Variants in CTNNA2 observed in about 807,000 individuals in gnomAD.
The protein encoded by CTNNA2 is catenin alpha-2.
A neutral mutation model predicts 101.0 loss-of-function variants in CTNNA2; 42 were observed. The ratio of observed to expected loss-of-function variants is 0.42; its 90% CI spans 0.32 to 0.54. The LOEUF is 0.54. Among genes scored for constraint, CTNNA2 ranks in the 20% least tolerant of loss-of-function variants. CTNNA2 has a pLI of 0.14. For synonymous variants in CTNNA2, 450 were observed against 456.4 expected (o/e 0.99, Z 0.18); for missense variants, 871 against 1,223.1 (o/e 0.71, Z 4.29).
intron 3 of CTNNA2, among the ~76,000 whole-genome samples, chr2:79,333,977 C>T (rs1037552711): frequency 6.6e-6 from 1 of 151,970 alleles, no homozygotes; most frequent in Admixed American, 6.6e-5. Flanking sequence ...ATTACACATA[C>T]TTATGGAGTA....
intron 2 of CTNNA2, among the ~76,000 whole-genome samples, chr2:79,730,020 TA>T (rs1316453631): frequency 6.6e-6 from 1 of 152,146 alleles, no homozygotes; most frequent in African/African-American, 2.4e-5. Context: ...TGTCTTGCCA[TA>T]AAACCAATTG....
rs182049460 is a variant in CTNNA2, at chr2:79,934,010, T to A, written c.1056+24213T>A. On this transcript the variant is annotated intron_variant, in intron 7 of 18. Coordinates refer to ENST00000402739, the MANE Select transcript of CTNNA2 (RefSeq NM_001282597.3). ...CATTCCAAAATGAAAACAGAAGAGGTCTATGTTTTAGGTTCAGGTCGGCAC... is the reference window on the plus strand; with the variant it reads ...CATTCCAAAATGAAAACAGAAGAGGACTATGTTTTAGGTTCAGGTCGGCAC... Among the ~76,000 whole-genome samples the A allele has an allele frequency of 1.7e-3, 255 of 152,192 alleles. No individual in the cohort carries two copies. In the Middle Eastern group the frequency reaches 0.017, roughly 10 times the overall value.
At chr2:80,529,933 C>A (rs141998771) in intron 9 of CTNNA2, among the ~76,000 whole-genome samples, 1 of 152,230 alleles carries the variant, frequency 6.6e-6, no homozygotes, top group Non-Finnish European at 1.5e-5. Context: ...GGGGCTTGGC[C>A]TGCTCCTACG....
At chr2:80,487,351 T>C (rs1458363788) in intron 9 of CTNNA2, among the ~76,000 whole-genome samples, 2 of 151,718 alleles carry the variant, frequency 1.3e-5, no homozygotes, top group East Asian at 1.9e-4. Context: ...TCCATTCTCA[T>C]GCTGCTATAA....
chr2:79,247,767 A>C (rs1470377623), intron 2 of CTNNA2, among the ~76,000 whole-genome samples: 2 of 152,192 alleles, frequency 1.3e-5, no homozygotes, highest in East Asian at 3.9e-4. Flanking sequence ...AGCATAGAAG[A>C]AGGTGACTTG....
At chr2:79,427,350 T>C (rs1416638805) in intron 4 of CTNNA2, among the ~76,000 whole-genome samples, 1 of 151,972 alleles carries the variant, frequency 6.6e-6, no homozygotes, top group Non-Finnish European at 1.5e-5. Flanking sequence ...TTGTTGGTTT[T>C]GTGTGTGCAT....
At chr2:79,589,755 A>G (rs1243669368) in intron 1 of CTNNA2, among the ~76,000 whole-genome samples, 3 of 150,090 alleles carry the variant, frequency 2.0e-5, no homozygotes, top group Non-Finnish European at 3.0e-5. Context: ...TAAGAGCATC[A>G]GGACGGCGTG....
intron 1 of CTNNA2, among the ~76,000 whole-genome samples, chr2:79,599,773 A>G (rs1298000791): frequency 6.6e-6 from 1 of 152,206 alleles, no homozygotes; most frequent in East Asian, 1.9e-4. Flanking sequence ...ATTTCTTTAA[A>G]GTCACATTTT....
chr2:80,247,381 C>A (rs1015426745), intron 7 of CTNNA2, among the ~76,000 whole-genome samples: 4 of 152,116 alleles, frequency 2.6e-5, no homozygotes, highest in African/African-American at 9.7e-5. Context: ...AAGATTGGAG[C>A]AATTAACCTC....
Position 80,555,768 on chromosome 2 carries a change from C to T in CTNNA2, c.1616C>T (p.Thr539Ile). ...QEGDVDTLDR[T>I]AGAIRGRAAR... Reference sequence around the variant, plus strand: ...GGCGATGTGGACACTCTGGACCGGACTGCAGGGGCCATCAGGGGCCGGGCA... The same window carrying T: ...GGCGATGTGGACACTCTGGACCGGATTGCAGGGGCCATCAGGGGCCGGGCA... The change falls in exon 12 of 19, where the codon ACT becomes ATT. Residue 539 changes from threonine (T) to isoleucine (I), a missense_variant. Thr to Ile is a moderately conservative substitution (Grantham distance 89, BLOSUM62 -1). Coordinates refer to ENST00000402739, the MANE Select transcript of CTNNA2 (RefSeq NM_001282597.3). 6.3e-7 allele frequency: 1 copy of T among 1,599,528 alleles called. No individual in the cohort carries two copies. The highest frequency in any genetic ancestry group is 8.5e-7 in the Non-Finnish European group (1 of 1,173,226).
At chr2:80,271,204 C>A (rs367674440) in intron 7 of CTNNA2, among the ~76,000 whole-genome samples, 2 of 152,152 alleles carry the variant, frequency 1.3e-5, no homozygotes, top group East Asian at 1.9e-4. Flanking sequence ...TTTATCCCCC[C>A]CTTGGGTCAT....
intron 1 of CTNNA2, among the ~76,000 whole-genome samples, chr2:79,594,983 C>T (rs1466485794): frequency 6.6e-6 from 1 of 151,240 alleles, no homozygotes; most frequent in Non-Finnish European, 1.5e-5. Flanking sequence ...GATTGTGTTT[C>T]CCCCAAGGTG....
intron 7 of CTNNA2, among the ~76,000 whole-genome samples, chr2:80,044,178 A>G (rs1696364656): frequency 6.6e-6 from 1 of 152,238 alleles, no homozygotes; most frequent in South Asian, 2.1e-4. Flanking sequence ...CTGATATATT[A>G]GTATACAATT....
At chr2:79,220,753 G>A (rs1529788) in intron 2 of CTNNA2, among the ~76,000 whole-genome samples, 125,288 of 152,140 alleles carry the variant, frequency 0.82, 51,980 homozygotes, top group East Asian at 0.99. Flanking sequence ...AAATCAATAA[G>A]TTATATTCTA....
At chr2:79,327,831 T>G (rs1676781307) in intron 3 of CTNNA2, among the ~76,000 whole-genome samples, 2 of 152,216 alleles carry the variant, frequency 1.3e-5, no homozygotes, top group African/African-American at 4.8e-5. Flanking sequence ...GCTGCCTCCC[T>G]GCCATTAACA....
intron 2 of CTNNA2, among the ~76,000 whole-genome samples, chr2:79,250,587 G>GTCCC (rs1417143479): frequency 6.6e-6 from 1 of 152,280 alleles, no homozygotes; most frequent in East Asian, 1.9e-4. Context: ...CTGGATTTGC[G>GTCCC]TAAGAATGGC....
chr2:80,389,687 A>G (rs2149361514), intron 7 of CTNNA2, among the ~76,000 whole-genome samples: 1 of 152,318 alleles, frequency 6.6e-6, no homozygotes, highest in Admixed American at 6.5e-5. Flanking sequence ...TTATTCCTGC[A>G]CAAATACCTT....
chr2:79,927,647 C>G (rs17018139), intron 7 of CTNNA2, among the ~76,000 whole-genome samples: 3,491 of 152,112 alleles, frequency 0.023, 130 homozygotes, highest in Admixed American at 0.1. Flanking sequence ...AATTCATTGA[C>G]AATATTTTTT....
At chr2:79,502,738 A>G (rs1671333668) in intron 4 of CTNNA2, among the ~76,000 whole-genome samples, 2 of 152,164 alleles carry the variant, frequency 1.3e-5, no homozygotes, top group South Asian at 4.1e-4. Context: ...ATATTGGAAA[A>G]CACCAACTTT....
Sources: allele counts gnomAD v4.1 joint callset (sites outside exome capture counted in the v4.1 genomes callset), GRCh38; gene constraint gnomAD v4.1.1; transcripts MANE v1.5; gene names NCBI Gene and HGNC (gene_info 2026-07-23, HGNC 2026-07-21).